Variants in IFT80 observed in about 807,000 individuals in gnomAD.
IFT80 encodes the protein intraflagellar transport protein 80 homolog.
A neutral mutation model predicts 107.9 loss-of-function variants in IFT80; 79 were observed. The ratio of observed to expected loss-of-function variants is 0.73; its 90% CI spans 0.61 to 0.88. IFT80 has a LOEUF of 0.88. Ranked by LOEUF, IFT80 falls within the 40% of genes least tolerant of loss-of-function variation. IFT80 has a pLI of 0.00. For synonymous variants in IFT80, 299 were observed against 300.9 expected, an observed-to-expected ratio of 0.99 and a Z score of 0.07; for missense variants, 797 against 914.2, an observed-to-expected ratio of 0.87 and a Z score of 1.65.
chr3:160,274,049 T>C (rs142504198), intron 18 of IFT80, among the ~76,000 whole-genome samples: 100 of 152,216 alleles, frequency 6.6e-4, no homozygotes, highest in African/African-American at 2.3e-3. Flanking sequence ...TACTGAGAAC[T>C]GGAAGGTGAA....
At chr3:160,390,081 T>G (rs982730109) in intron 1 of IFT80, among the ~76,000 whole-genome samples, 1 of 151,444 alleles carries the variant, frequency 6.6e-6, no homozygotes, top group Admixed American at 6.6e-5. Flanking sequence ...CATATGGGAG[T>G]TTGGGAGGCA....
At chr3:160,306,478 G>A (rs1410473579) in intron 10 of IFT80, among the ~76,000 whole-genome samples, 2 of 151,970 alleles carry the variant, frequency 1.3e-5, no homozygotes, top group Non-Finnish European at 2.9e-5. Context: ...GTGACTGTAT[G>A]ATTTTCTCAC....
At chr3:160,393,967 A>G (rs1713572725) in intron 1 of IFT80, among the ~76,000 whole-genome samples, 1 of 152,230 alleles carries the variant, frequency 6.6e-6, no homozygotes. Context: ...TCCTATTAAA[A>G]GAAGTACAGT....
intron 8 of IFT80, among the ~76,000 whole-genome samples, chr3:160,331,614 A>G (rs895382441): frequency 6.6e-6 from 1 of 152,006 alleles, no homozygotes; most frequent in Non-Finnish European, 1.5e-5. Flanking sequence ...TATAACCACT[A>G]TGTTTGATGG....
chr3:160,307,194 C>T (rs907180305), intron 10 of IFT80, among the ~76,000 whole-genome samples: 17 of 152,242 alleles, frequency 1.1e-4, no homozygotes, highest in Non-Finnish European at 7.4e-5. Flanking sequence ...GTTGTTCAGA[C>T]TGGAGTGTAG....
intron 12 of IFT80, among the ~76,000 whole-genome samples, chr3:160,292,917 T>C (rs1242156338): frequency 6.6e-6 from 1 of 152,200 alleles, no homozygotes; most frequent in Admixed American, 6.5e-5. Context: ...ATTGTAACTA[T>C]ACTTTTAAGC....
intron 19 of IFT80, 90 bp from the exon 20 acceptor site, chr3:160,258,725 T>G: frequency 8.4e-6 from 12 of 1,434,138 alleles, no homozygotes; most frequent in Non-Finnish European, 1.1e-5. Flanking sequence ...ACAGATAGAC[T>G]GTGTGACTTC....
chr3:160,285,530 A>G (rs188394820), intron 13 of IFT80, among the ~76,000 whole-genome samples: 2 of 152,362 alleles, frequency 1.3e-5, no homozygotes, highest in Non-Finnish European at 2.9e-5. Context: ...AAAAAAGAAC[A>G]TGTAACTGAA....
Position 160,319,887 on chromosome 3 carries a change from C to T in IFT80, c.830G>A (p.Trp277Ter). The T allele has an allele frequency of 6.2e-7, 1 of 1,612,464 alleles. No individual in the cohort carries two copies. Among genetic ancestry groups the T allele is most frequent in the Non-Finnish European group, 8.5e-7 (1 of 1,179,172 alleles). The change falls in exon 9 of 20, where the codon TGG (tryptophan) becomes TAG (stop). Residue 277 changes from tryptophan to a stop codon, truncating the protein, a stop_gained. Transcript: ENST00000326448. LOFTEE classifies it high-confidence loss of function. ...PNTGSIFNIA[W>*]SIDGTQIAGA... is the part of the protein sequence containing the mutation. ...AGCAATCTGAGTGCCATCGATAGAC[C>T]ATGCAATATTAAATATGCTGCCAGT... is the stretch of plus-strand genomic sequence containing the variant.
At chr3:160,379,183 A>T (rs77394140) in intron 3 of IFT80, among the ~76,000 whole-genome samples, 1 of 152,196 alleles carries the variant, frequency 6.6e-6, no homozygotes, top group African/African-American at 2.4e-5. Context: ...GAATCTAATC[A>T]TGAGGAAACA....
At chr3:160,285,636 T>C (rs995990769) in intron 13 of IFT80, among the ~76,000 whole-genome samples, 168 bp downstream of exon 13, 2 of 152,230 alleles carry the variant, frequency 1.3e-5, no homozygotes, top group Middle Eastern at 3.2e-3. Flanking sequence ...TACCAGTGCT[T>C]AGTCTTTAAC....
intron 2 of IFT80, among the ~76,000 whole-genome samples, chr3:160,382,392 A>G (rs926722062): frequency 6.6e-6 from 1 of 152,176 alleles, no homozygotes; most frequent in Non-Finnish European, 1.5e-5. Flanking sequence ...TTAGGAAATA[A>G]TTCAATTATA....
intron 9 of IFT80, among the ~76,000 whole-genome samples, chr3:160,313,405 T>C (rs1453099837): frequency 2.0e-5 from 3 of 151,800 alleles, no homozygotes; most frequent in Non-Finnish European, 2.9e-5. Flanking sequence ...TCTAACATTA[T>C]TAAAATTATA....
At chr3:160,320,025 A>C in intron 8 of IFT80, 86 bp from the exon 9 acceptor site, 1 of 882,558 alleles carries the variant, frequency 1.1e-6, no homozygotes, top group South Asian at 1.5e-5. Context: ...CAACGTAATA[A>C]GATCATTTTT....
chr3:160,267,342 C>T (rs1256107364), intron 19 of IFT80, among the ~76,000 whole-genome samples: 1 of 152,176 alleles, frequency 6.6e-6, no homozygotes, highest in Non-Finnish European at 1.5e-5. Flanking sequence ...TCAATCAGAA[C>T]ATTCCATTTT....
intron 9 of IFT80, among the ~76,000 whole-genome samples, chr3:160,310,922 C>T (rs1184424891): frequency 6.6e-6 from 1 of 152,078 alleles, no homozygotes; most frequent in Non-Finnish European, 1.5e-5. Flanking sequence ...GAGTTCGAAA[C>T]CAGCCCAGGC....
intron 1 of IFT80, among the ~76,000 whole-genome samples, chr3:160,396,534 A>C (rs1000400807): frequency 3.9e-5 from 6 of 152,204 alleles, no homozygotes; most frequent in Non-Finnish European, 4.4e-5. Context: ...TTTTAATTCT[A>C]ATTCCAATTT....
rs923147358 is a variant in IFT80 at position 160,399,210 on chromosome 3, G to A, written c.-111C>T. 2.0e-5 allele frequency: 3 copies of A among 152,156 alleles called. No individual in the cohort carries two copies. Among genetic ancestry groups the A allele is most frequent in the African/African-American group, 7.2e-5 (3 of 41,426 alleles). The allele number at this position is 152,156 out of a possible 1,614,324, so 9.4% of individuals were successfully genotyped here. ...CCTGGTACCTCCCCGTCACCATAGT[G>A]ACTTCTAAGAGTTACGCTCCCTTCC... is the stretch of plus-strand genomic sequence containing the variant. On this transcript the variant is annotated 5_prime_UTR_variant, in exon 1 of 20. Transcript: ENST00000326448.
chr3:160,298,659 G>A (rs565568581), intron 12 of IFT80, among the ~76,000 whole-genome samples: 164 of 152,254 alleles, frequency 1.1e-3, no homozygotes, highest in African/African-American at 3.7e-3. Flanking sequence ...CAATGATGGT[G>A]ATATGTTCTG....
Sources: gnomAD v4.1 joint callset for allele counts (sites outside exome capture counted in the v4.1 genomes callset) on GRCh38, gnomAD v4.1.1 for gene constraint, MANE v1.5 for transcripts, NCBI Gene and HGNC (gene_info 2026-07-23, HGNC 2026-07-21) for gene names.